The following TMOD1 variants were observed in gnomAD, a reference collection of about 807,000 sequenced individuals.
TMOD1 encodes the protein tropomodulin-1.
A neutral mutation model predicts 40.6 loss-of-function variants in TMOD1; 17 were observed. The ratio of observed to expected loss-of-function variants is 0.42; its 90% CI spans 0.29 to 0.63. The LOEUF is 0.63. Among genes scored for constraint, TMOD1 ranks in the 20% least tolerant of loss-of-function variants. The pLI, the probability that TMOD1 is intolerant of heterozygous loss-of-function variation, is 0.22. For synonymous variants in TMOD1, 181 were observed against 175.0 expected (o/e 1.03, Z -0.27); for missense variants, 391 against 447.6 (o/e 0.87, Z 1.14).
At chr9:97,527,217 C>A (rs1358259418) in intron 2 of TMOD1, among the ~76,000 whole-genome samples, 2 of 152,188 alleles carry the variant, frequency 1.3e-5, no homozygotes, top group Non-Finnish European at 2.9e-5. Context: ...CACTGTCACA[C>A]AGAATTCCAA....
rs777031941 is a variant in TMOD1 at position 97,568,955 on chromosome 9, T to C, written c.788T>C (p.Phe263Ser). 19 of 1,614,174 alleles carry C rather than the reference T, an allele frequency of 1.2e-5. No homozygotes were observed. The Admixed American group carries it at 3.0e-4, about 25-fold the overall frequency. ...AAGACACTGAATGTGGAATCCAACT[T>C]CATTTCTGGAGCTGGGATTCTGCGC... ...VLKTLNVESN[F>S]ISGAGILRLV... The change falls in exon 8 of 10, where the codon TTC becomes TCC. Residue 263 changes from phenylalanine to serine, a missense_variant. By Grantham distance (155) the Phe-to-Ser change is radical (BLOSUM62 -2). Coordinates refer to ENST00000259365, the MANE Select transcript of TMOD1 (RefSeq NM_003275.4).
intron 8 of TMOD1, among the ~76,000 whole-genome samples, chr9:97,587,379 G>A (rs997206660): frequency 6.6e-6 from 1 of 152,176 alleles, no homozygotes; most frequent in Non-Finnish European, 1.5e-5. Flanking sequence ...TCTCACCAAC[G>A]TTTGGTGTTG....
intron 2 of TMOD1, among the ~76,000 whole-genome samples, chr9:97,545,119 C>A (rs1190413106): frequency 2.6e-5 from 4 of 152,150 alleles, no homozygotes; most frequent in African/African-American, 4.8e-5. Context: ...CCATGTATTC[C>A]TCTAGCTCTG....
At chr9:97,569,223 C>T (rs889945625) in intron 8 of TMOD1, among the ~76,000 whole-genome samples, 186 bp downstream of exon 8, 2 of 152,194 alleles carry the variant, frequency 1.3e-5, no homozygotes, top group African/African-American at 2.4e-5. Flanking sequence ...TTCATCGCTT[C>T]CACTACGTGC....
rs545640034 is a variant in TMOD1, at chr9:97,508,336, A to C, written c.-49+6533A>C. On this transcript the variant is annotated intron_variant, in intron 1 of 9. Transcript: ENST00000259365. ...CCCGAGTAGCTGGGACTACAGGTGC[A>C]CACCACCACACCTGGCAAATTTTTG... Among the ~76,000 whole-genome samples, 18 of 152,026 alleles carry C rather than the reference A, an allele frequency of 1.2e-4. No homozygotes were observed. In the South Asian group the frequency reaches 2.9e-3, roughly 25 times the overall value.
rs751707860 is a variant in TMOD1 at position 97,553,365 on chromosome 9, C to A, written c.362C>A (p.Ala121Glu). 1.2e-6 allele frequency: 2 copies of A among 1,614,184 alleles called. No individual in the cohort carries two copies. The highest frequency in any genetic ancestry group is 1.7e-5 in the Admixed American group (1 of 60,014). Residue 121 changes from alanine (A) to glutamate (E), a missense_variant, in exon 4 of 10, where the codon GCA (alanine) becomes GAA (glutamate). Transcript: ENST00000259365. ...TLEPELEEAL[A>E]NASDAELCDI... Reference sequence around the variant, plus strand: ...GAACCGGAGCTGGAGGAAGCCTTGGCAAATGCTTCAGATGCAGAACTCTGT... The same window carrying A: ...GAACCGGAGCTGGAGGAAGCCTTGGAAAATGCTTCAGATGCAGAACTCTGT...
In TMOD1 at chr9:97,569,006, C is replaced by G. The variant is rs754761598; in HGVS notation, c.839C>G (p.Thr280Ser). The change falls in exon 8 of 10, where the codon ACT becomes AGT. Residue 280 changes from threonine (T) to serine (S), a missense_variant. By Grantham distance (58) the Thr-to-Ser change is moderately conservative. Transcript: ENST00000259365. Reference sequence around the variant, plus strand: ...CTGGTAGAAGCCCTCCCATACAACACTTCTCTGGTGGAAATGAAAATTGAC... The same window carrying G: ...CTGGTAGAAGCCCTCCCATACAACAGTTCTCTGGTGGAAATGAAAATTGAC... ...LRLVEALPYNTSLVEMKIDNQ... is the reference protein window; with the variant it reads ...LRLVEALPYNSSLVEMKIDNQ... The G allele has an allele frequency of 2.5e-6, 4 of 1,614,170 alleles. No homozygotes were observed. The highest frequency in any genetic ancestry group is 3.4e-6 in the Non-Finnish European group (4 of 1,180,020).
intron 2 of TMOD1, among the ~76,000 whole-genome samples, chr9:97,544,059 C>G (rs1563985807): frequency 6.6e-6 from 1 of 152,194 alleles, no homozygotes; most frequent in Non-Finnish European, 1.5e-5. Flanking sequence ...CTAAATCTCT[C>G]TGCAAGTACA....
At chr9:97,556,528 G>A (rs932061484) in intron 4 of TMOD1, among the ~76,000 whole-genome samples, 15 of 152,160 alleles carry the variant, frequency 9.9e-5, no homozygotes, top group African/African-American at 3.4e-4. Flanking sequence ...CCTGTAGTTG[G>A]TATGGCCTGT....
At chr9:97,524,059 G>T (rs1439597269) in intron 1 of TMOD1, 82 bp from the exon 2 acceptor site, 2 of 1,004,734 alleles carry the variant, frequency 2.0e-6, no homozygotes, top group South Asian at 1.8e-5. Context: ...TACCCAGGCC[G>T]CTGTGTGAAC....
intron 4 of TMOD1, among the ~76,000 whole-genome samples, chr9:97,559,809 ATATATATATATATATGTCTATC>A (rs1563990686): frequency 1.5e-5 from 1 of 67,680 alleles, no homozygotes; most frequent in South Asian, 4.9e-4. Flanking sequence ...ATATATATAT[ATATATATATATATATGTCTATC>A]TATCTATCTA....
rs527415571 is a variant in TMOD1, at chr9:97,538,681, G to C, written c.121-7504G>C. Among the ~76,000 whole-genome samples the C allele has an allele frequency of 3.3e-5, 5 of 152,212 alleles. No homozygotes were observed. The South Asian group carries it at 1.0e-3, about 32-fold the overall frequency. On this transcript the variant is annotated intron_variant, in intron 2 of 9. Coordinates refer to ENST00000259365, the MANE Select transcript of TMOD1 (RefSeq NM_003275.4). ...TAGGATCTTGATTACCATGTGTTTA[G>C]TGAATAACTATGTGTAATTAAGATT... is the stretch of plus-strand genomic sequence containing the variant.
intron 4 of TMOD1, among the ~76,000 whole-genome samples, chr9:97,558,028 G>A (rs960050196): frequency 1.3e-5 from 2 of 152,174 alleles, no homozygotes; most frequent in African/African-American, 4.8e-5. Flanking sequence ...GGAAAGTTGC[G>A]ATTTTGTGCC....
At chr9:97,521,038 T>C (rs1449617756) in intron 1 of TMOD1, among the ~76,000 whole-genome samples, 3 of 152,234 alleles carry the variant, frequency 2.0e-5, no homozygotes, top group Non-Finnish European at 4.4e-5. Context: ...GTAACAAGTA[T>C]GAGACACTCC....
chr9:97,583,087 A>G (rs894203137), intron 8 of TMOD1, among the ~76,000 whole-genome samples: 19 of 148,620 alleles, frequency 1.3e-4, no homozygotes, highest in African/African-American at 4.6e-4. Context: ...CCAGTTTTCA[A>G]AGGGAATGCT....
At chr9:97,527,502 T>C (rs1467501824) in intron 2 of TMOD1, among the ~76,000 whole-genome samples, 2 of 152,210 alleles carry the variant, frequency 1.3e-5, no homozygotes, top group African/African-American at 4.8e-5. Flanking sequence ...TCTGGATTTT[T>C]TTAATTCCAT....
At chr9:97,512,618 CACAGAT>C (rs1170825524) in intron 1 of TMOD1, 2 of 149,510 alleles carry the variant, frequency 1.3e-5, no homozygotes, top group Non-Finnish European at 3.0e-5. Context: ...AGGTGAATCT[CACAGAT>C]ACAATGTTGA....
At chr9:97,507,715 A>T (rs1829610505) in intron 1 of TMOD1, among the ~76,000 whole-genome samples, 1 of 152,206 alleles carries the variant, frequency 6.6e-6, no homozygotes, top group Non-Finnish European at 1.5e-5. Context: ...TGAAGATGAC[A>T]ACTGTATTTG....
intron 8 of TMOD1, among the ~76,000 whole-genome samples, chr9:97,579,195 A>G (rs1252598335): frequency 2.0e-5 from 3 of 152,142 alleles, no homozygotes; most frequent in East Asian, 1.9e-4. Context: ...GGAGTTCTCA[A>G]TCAAGAGTCT....
Sources: allele counts gnomAD v4.1 joint callset (sites outside exome capture counted in the v4.1 genomes callset), GRCh38; gene constraint gnomAD v4.1.1; transcripts MANE v1.5; gene names NCBI Gene and HGNC (gene_info 2026-07-23, HGNC 2026-07-21).